The following OPCML variants were observed in gnomAD, a reference collection of about 807,000 sequenced individuals.
The protein encoded by OPCML is opioid-binding protein/cell adhesion molecule.
A neutral mutation model predicts 37.8 loss-of-function variants in OPCML; 13 were observed. That is an observed-to-expected ratio of 0.34 (90% CI 0.22 to 0.55). The LOEUF is 0.55. OPCML is among the 20% of genes least tolerant of loss of function. The pLI is 0.91. For synonymous variants in OPCML, 176 were observed against 168.8 expected (o/e 1.04, Z -0.33); for missense variants, 341 against 435.6 (o/e 0.78, Z 1.93).
At chr11:132,953,431 A>C (rs1945906602) in intron 1 of OPCML, among the ~76,000 whole-genome samples, 1 of 152,132 alleles carries the variant, frequency 6.6e-6, no homozygotes, top group Non-Finnish European at 1.5e-5. Context: ...AACTACATTA[A>C]AGCATTTCAT....
At chr11:133,184,421 G>T (rs1243149712) in intron 1 of OPCML, among the ~76,000 whole-genome samples, 1 of 152,136 alleles carries the variant, frequency 6.6e-6, no homozygotes, top group African/African-American at 2.4e-5. Flanking sequence ...TATGAATGAG[G>T]TACCGCTGGC....
At chr11:133,026,401 G>C (rs1272535555) in intron 1 of OPCML, 4 of 985,310 alleles carry the variant, frequency 4.1e-6, no homozygotes, top group African/African-American at 1.7e-5. Flanking sequence ...CACCTTGCCT[G>C]CCTCTTCTTT....
intron 1 of OPCML, among the ~76,000 whole-genome samples, chr11:132,946,029 G>T (rs530947568): frequency 2.0e-5 from 3 of 152,144 alleles, no homozygotes; most frequent in Middle Eastern, 3.2e-3. Flanking sequence ...TGATCCACCC[G>T]CCTCGGCCTC....
intron 1 of OPCML, among the ~76,000 whole-genome samples, chr11:133,071,420 G>T (rs1948531656): frequency 6.6e-6 from 1 of 152,132 alleles, no homozygotes; most frequent in Non-Finnish European, 1.5e-5. Context: ...TATATTGAGT[G>T]GTTTTTTATG....
chr11:132,560,441 T>C (rs2096408021), intron 3 of OPCML, among the ~76,000 whole-genome samples: 1 of 152,212 alleles, frequency 6.6e-6, no homozygotes, highest in South Asian at 2.1e-4. Context: ...TTCTGAGATT[T>C]TGGTGCATCC....
intron 1 of OPCML, among the ~76,000 whole-genome samples, chr11:133,255,129 C>T (rs1286342912): frequency 1.3e-5 from 2 of 152,156 alleles, no homozygotes; most frequent in Admixed American, 1.3e-4. Context: ...CATAACTCAA[C>T]TCCCTCTGCA....
At chr11:133,047,494 C>T (rs963684196) in intron 1 of OPCML, among the ~76,000 whole-genome samples, 2 of 152,178 alleles carry the variant, frequency 1.3e-5, no homozygotes, top group African/African-American at 4.8e-5. Context: ...CTGAATGCTT[C>T]TTCCACTTGT....
At chr11:132,945,066 C>A (rs530528770) in intron 1 of OPCML, among the ~76,000 whole-genome samples, 1 of 152,326 alleles carries the variant, frequency 6.6e-6, no homozygotes, top group East Asian at 1.9e-4. Context: ...AAAGGGTTAG[C>A]CCACATATAT....
intron 1 of OPCML, among the ~76,000 whole-genome samples, chr11:133,128,939 T>TA (rs1013636541): frequency 3.3e-5 from 5 of 151,852 alleles, no homozygotes; most frequent in Middle Eastern, 6.8e-3. Flanking sequence ...CCTGAAACAA[T>TA]AAAAAAACAC....
chr11:132,489,932 C>A, intron 4 of OPCML, among the ~76,000 whole-genome samples: 1 of 152,200 alleles, frequency 6.6e-6, no homozygotes, highest in East Asian at 1.9e-4. Context: ...TGAGTGAGAA[C>A]ATGCAGTGTT....
intron 2 of OPCML, among the ~76,000 whole-genome samples, chr11:132,725,362 G>A (rs1045755455): frequency 4.6e-5 from 7 of 152,160 alleles, no homozygotes. Flanking sequence ...TGGGATCCAG[G>A]GTACCAAGTC....
At chr11:133,089,946 G>T (rs995448294) in intron 1 of OPCML, among the ~76,000 whole-genome samples, 2 of 152,164 alleles carry the variant, frequency 1.3e-5, no homozygotes, top group African/African-American at 2.4e-5. Flanking sequence ...AAGTTAACAG[G>T]TTCTCTCCTA....
rs61909272 is a variant in OPCML at position 132,943,483 on chromosome 11, G to C, written c.62-473C>G. ...AGTTGGGCACGTTCTGCAGAGCTCT[G>C]GCATCAAAAGTTTATAACCCAAAGA... On this transcript the variant is annotated intron_variant, in intron 1 of 7. Coordinates refer to ENST00000524381, the MANE Select transcript of OPCML (RefSeq NM_001012393.5). The surrounding 1 kb of genome is among the most constrained non-coding windows in gnomAD (Gnocchi z 4.3). 0.33 allele frequency: 81,642 copies of C among 249,940 alleles called. 14,318 individuals carry two copies. Among genetic ancestry groups the C allele is most frequent in the East Asian group, 0.61 (7,215 of 11,872 alleles). The allele number at this position is 249,940 out of a possible 1,614,324, so 15.5% of individuals were successfully genotyped here.
chr11:132,745,084 C>T (rs1398489388), intron 2 of OPCML, among the ~76,000 whole-genome samples: 1 of 152,166 alleles, frequency 6.6e-6, no homozygotes, highest in Non-Finnish European at 1.5e-5. Flanking sequence ...ACTCACACAG[C>T]CACACACATC....
chr11:133,230,420 C>G (rs995733941), intron 1 of OPCML, among the ~76,000 whole-genome samples: 2 of 152,308 alleles, frequency 1.3e-5, no homozygotes, highest in Admixed American at 1.3e-4. Flanking sequence ...TCACTCGTTT[C>G]TATTTCTGCC....
At chr11:132,776,067 C>T (rs150006697) in intron 2 of OPCML, among the ~76,000 whole-genome samples, 1,608 of 152,214 alleles carry the variant, frequency 0.011, 13 homozygotes, top group Middle Eastern at 0.034. Flanking sequence ...GTAGCTGGGA[C>T]TACAGGCATG....
At chr11:132,820,163 G>A (rs532632139) in intron 2 of OPCML, among the ~76,000 whole-genome samples, 25 of 152,228 alleles carry the variant, frequency 1.6e-4, no homozygotes, top group East Asian at 1.4e-3. Context: ...CCTTCCTGCC[G>A]TCTTGGGTTC....
chr11:132,638,122 C>G (rs970404908), intron 3 of OPCML, among the ~76,000 whole-genome samples: 1 of 145,802 alleles, frequency 6.9e-6, no homozygotes, highest in Non-Finnish European at 1.5e-5. Flanking sequence ...ATGTCAACTG[C>G]AATCACTTTT....
At chr11:133,445,961 G>C (rs1946465964) in intron 1 of OPCML, among the ~76,000 whole-genome samples, 1 of 152,176 alleles carries the variant, frequency 6.6e-6, no homozygotes, top group Non-Finnish European at 1.5e-5. Flanking sequence ...TCTTAGCAAT[G>C]TGTCTGTGAT....
Sources: allele counts gnomAD v4.1 joint callset (sites outside exome capture counted in the v4.1 genomes callset), GRCh38; gene constraint gnomAD v4.1.1; non-coding constraint Gnocchi (gnomAD v3.1); transcripts MANE v1.5; gene names NCBI Gene and HGNC (gene_info 2026-07-23, HGNC 2026-07-21).